ITGB8: variants seen among roughly 807,000 people sequenced by gnomAD.
ITGB8 encodes the protein integrin beta-8.
Under a neutral mutation model 89.5 loss-of-function variants are expected in ITGB8, and 30 were observed. The observed-to-expected ratio is 0.34, with a 90% confidence interval of 0.25 to 0.45. The LOEUF (loss-of-function observed/expected upper bound fraction) is 0.45. Ranked by LOEUF, ITGB8 falls within the 20% of genes least tolerant of loss-of-function variation. The pLI is 1.00. For synonymous variants in ITGB8, 335 were observed against 320.4 expected, an observed-to-expected ratio of 1.05 and a Z score of -0.49; for missense variants, 836 against 933.3, an observed-to-expected ratio of 0.90 and a Z score of 1.36.
At chr7:20,363,524 T>A in intron 1 of ITGB8, 113 bp from the exon 2 acceptor site, 1 of 516,396 alleles carries the variant, frequency 1.9e-6, no homozygotes, top group Non-Finnish European at 3.2e-6. Context: ...TAAAAGGTCC[T>A]CTTGTTTCAG....
intron 6 of ITGB8, among the ~76,000 whole-genome samples, chr7:20,387,423 A>C (rs1562689145): frequency 6.6e-6 from 1 of 152,226 alleles, no homozygotes; most frequent in Non-Finnish European, 1.5e-5. Flanking sequence ...ACTAGTGTTT[A>C]TACCTGCTTT....
At chr7:20,390,306 G>A (rs1301702823) in intron 6 of ITGB8, among the ~76,000 whole-genome samples, 1 of 152,104 alleles carries the variant, frequency 6.6e-6, no homozygotes, top group East Asian at 1.9e-4. Flanking sequence ...TACTGCCAGT[G>A]AACTTTAACA....
chr7:20,376,729 A>G (rs1232511379), intron 3 of ITGB8, among the ~76,000 whole-genome samples: 1 of 152,188 alleles, frequency 6.6e-6, no homozygotes, highest in African/African-American at 2.4e-5. Context: ...TGAATTGACT[A>G]CTTAAAGCTA....
rs940031318 is a variant in ITGB8 at position 20,331,279 on chromosome 7, T to A, written c.-528T>A. On this transcript the variant is annotated 5_prime_UTR_variant, in exon 1 of 14. Transcript: ENST00000222573. ...TGCCCACCTGTGGAAGCAACTGCGC[T>A]GATTGATGCGCCACAGACTTTTTTC... The A allele has an allele frequency of 3.0e-6, 1 of 338,018 alleles. No individual in the cohort carries two copies. The highest frequency in any genetic ancestry group is 5.3e-6 in the Non-Finnish European group (1 of 187,792). The allele number at this position is 338,018 out of a possible 1,614,324, so 20.9% of individuals were successfully genotyped here. A position where few individuals can be genotyped will look rare whatever the true frequency, so the allele number is the denominator to read the frequency against.
intron 1 of ITGB8, among the ~76,000 whole-genome samples, chr7:20,341,780 A>G (rs1383856797): frequency 6.6e-6 from 1 of 151,802 alleles, no homozygotes; most frequent in Admixed American, 6.6e-5. Context: ...CTGAGGTTGG[A>G]TTATCTGGTT....
At chr7:20,333,905 TTA>T (rs112723788) in intron 1 of ITGB8, among the ~76,000 whole-genome samples, 38,397 of 151,976 alleles carry the variant, frequency 0.25, 5,431 homozygotes, top group Non-Finnish European at 0.32. Flanking sequence ...AAGTCTCAAA[TTA>T]TATGTCTTTA....
intron 8 of ITGB8, among the ~76,000 whole-genome samples, 180 bp downstream of exon 8, chr7:20,395,165 T>C (rs6461494): frequency 0.91 from 138,933 of 152,124 alleles, 63,474 homozygotes; most frequent in East Asian, 0.99. Flanking sequence ...TTGGGAAAGT[T>C]ATTTCTGCTT....
At chr7:20,346,785 G>T in intron 1 of ITGB8, 1 of 985,364 alleles carries the variant, frequency 1.0e-6, no homozygotes, top group Non-Finnish European at 1.2e-6. Context: ...GGGCTCCACA[G>T]GCAGAGAGGA....
chr7:20,377,213 G>C (rs1381417894), intron 3 of ITGB8: 1 of 152,162 alleles, frequency 6.6e-6, no homozygotes, highest in Non-Finnish European at 1.5e-5. Context: ...ACATCTAGCA[G>C]TACCTCTGAA....
chr7:20,354,172 G>A (rs1322596113), intron 1 of ITGB8, among the ~76,000 whole-genome samples: 2 of 152,130 alleles, frequency 1.3e-5, no homozygotes, highest in South Asian at 2.1e-4. Flanking sequence ...CATTTACTGA[G>A]TGTATTCTAG....
At chr7:20,338,524 T>A (rs1263680755) in intron 1 of ITGB8, among the ~76,000 whole-genome samples, 1 of 152,054 alleles carries the variant, frequency 6.6e-6, no homozygotes, top group African/African-American at 2.4e-5. Context: ...TCCCAGCTAC[T>A]TGACAGGCTG....
Position 20,402,142 on chromosome 7 carries a change from T to C in ITGB8, c.1687+16T>C. ...CTGTGTGCTGGTGAGTATAAATATA[T>C]ACAGGCAGCTTTTACTTGTCACTAT... On this transcript the variant is annotated intron_variant, in intron 10 of 13. Coordinates refer to ENST00000222573, the MANE Select transcript of ITGB8 (RefSeq NM_002214.3). 6.4e-7 allele frequency: 1 copy of C among 1,572,458 alleles called. No homozygotes were observed. The highest frequency in any genetic ancestry group is 1.2e-5 in the South Asian group (1 of 83,828).
intron 12 of ITGB8, among the ~76,000 whole-genome samples, chr7:20,407,485 T>C (rs187700370): frequency 1.1e-3 from 171 of 152,288 alleles, no homozygotes; most frequent in Admixed American, 3.9e-3. Flanking sequence ...AACATTCCCA[T>C]TGCAACTATT....
chr7:20,409,016 A>G (rs958923952), intron 12 of ITGB8, among the ~76,000 whole-genome samples: 1 of 152,172 alleles, frequency 6.6e-6, no homozygotes, highest in African/African-American at 2.4e-5. Flanking sequence ...GGACACTCCT[A>G]TTTCCTGGAG....
Position 20,331,636 on chromosome 7 carries a change from C to T in ITGB8, c.-171C>T, listed in dbSNP as rs1435796835. ...GGGGCCCTGAGATGCCGAGCGGTGC[C>T]CGGGCCCGCTTACCTGCACCGCTTG... On this transcript the variant is annotated 5_prime_UTR_variant, in exon 1 of 14. Coordinates refer to ENST00000222573, the MANE Select transcript of ITGB8 (RefSeq NM_002214.3). 8.6e-6 allele frequency: 6 copies of T among 700,970 alleles called. No individual in the cohort carries two copies. The highest frequency in any genetic ancestry group is 3.8e-5 in the African/African-American group (2 of 52,698). 43.4% of individuals were successfully genotyped at this position (700,970 alleles called of 1,614,324 possible). A position where few individuals can be genotyped will look rare whatever the true frequency, so the allele number is the denominator to read the frequency against.
At position 20,336,296 on chromosome 7, in the gene ITGB8, C is replaced by T. The variant is rs186614995; in HGVS notation, c.127+4363C>T. The stretch of plus-strand genomic sequence containing the variant: ...CTGGGCTTACAGGCGTGAGCCACCA[C>T]ACCCGGCCCAGTCTTGTGTCTTAAA... On this transcript the variant is annotated intron_variant, in intron 1 of 13. Coordinates refer to ENST00000222573, the MANE Select transcript of ITGB8 (RefSeq NM_002214.3). 1.2e-4 allele frequency among the ~76,000 whole-genome samples: 19 copies of T among 152,298 alleles called. No homozygotes were observed. In the East Asian group the frequency reaches 2.7e-3, roughly 22 times the overall value.
chr7:20,377,671 A>G (rs1024239243), intron 3 of ITGB8, among the ~76,000 whole-genome samples: 1 of 152,222 alleles, frequency 6.6e-6, no homozygotes, highest in Non-Finnish European at 1.5e-5. Flanking sequence ...GGATGAGAGA[A>G]TGGACTGGGC....
chr7:20,367,195 AT>A lies in ITGB8; in HGVS notation c.388+13del. On this transcript the variant is annotated intron_variant, in intron 3 of 13. Transcript: ENST00000222573. ...TATCCAGCTGCGTCCAGGTTTGGTC[AT>A]TTTCAAATAAATCTATAATGATTCT... 1 of 1,578,678 alleles carries A rather than the reference AT, an allele frequency of 6.3e-7. No individual in the cohort carries two copies. Among genetic ancestry groups the A allele is most frequent in the East Asian group, 2.2e-5 (1 of 44,678 alleles).
At chr7:20,366,898 T>G in intron 2 of ITGB8, 114 bp from the exon 3 acceptor site, 1 of 692,012 alleles carries the variant, frequency 1.4e-6, no homozygotes, top group Non-Finnish European at 2.4e-6. Context: ...ACATAAGGAT[T>G]AGAAGAAATT....
Sources: allele counts gnomAD v4.1 joint callset (sites outside exome capture counted in the v4.1 genomes callset), GRCh38; gene constraint gnomAD v4.1.1; transcripts MANE v1.5; gene names NCBI Gene and HGNC (gene_info 2026-07-23, HGNC 2026-07-21).